ALKAL2: variants seen among roughly 807,000 people sequenced by gnomAD.
ALKAL2 encodes the protein ALK and LTK ligand 2.
ALKAL2 carries 8 observed loss-of-function variants against 18.5 expected under a neutral mutation model. The ratio of observed to expected loss-of-function variants is 0.43; its 90% CI spans 0.25 to 0.78. The LOEUF (loss-of-function observed/expected upper bound fraction) is 0.78, where lower values mean the gene tolerates loss of function less well. ALKAL2 is among the 30% of genes least tolerant of loss of function. ALKAL2 has a pLI of 0.22. For missense variants in ALKAL2, 241 were observed against 211.2 expected, an observed-to-expected ratio of 1.14 and a Z score of -0.88; for synonymous variants, 135 against 95.8, an observed-to-expected ratio of 1.41 and a Z score of -2.39.
intron 5 of ALKAL2, among the ~76,000 whole-genome samples, chr2:282,837 A>G (rs1408081625): frequency 2.0e-5 from 3 of 152,214 alleles, no homozygotes; most frequent in East Asian, 3.8e-4. Context: ...ACTCAGTCAC[A>G]TGCTGACACT....
intron 4 of ALKAL2, among the ~76,000 whole-genome samples, chr2:285,195 G>A (rs568357289): frequency 1.3e-5 from 2 of 152,336 alleles, no homozygotes; most frequent in South Asian, 2.1e-4. Context: ...CATGCACCCG[G>A]CACACAGAAG....
chr2:287,175 G>A (rs1670541622), intron 2 of ALKAL2: 1 of 162,948 alleles, frequency 6.1e-6, no homozygotes, highest in African/African-American at 2.4e-5. Context: ...TATCATGTTT[G>A]ACCTGATTGT....
chr2:287,588 C>G lies in ALKAL2; in HGVS notation c.248G>C (p.Arg83Pro). 1.4e-6 allele frequency: 2 copies of G among 1,458,078 alleles called. No individual in the cohort carries two copies. The highest frequency in any genetic ancestry group is 1.8e-6 in the Non-Finnish European group (2 of 1,111,442). The allele number at this position is 1,458,078 out of a possible 1,614,324, so 90.3% of individuals were successfully genotyped here. A position where few individuals can be genotyped will look rare whatever the true frequency, so the allele number is the denominator to read the frequency against. Reference protein sequence around the residue: ...AAGLGPSPEQRVEIVPRDLRM... With the variant: ...AAGLGPSPEQPVEIVPRDLRM... ...GCGCGCTCGGCCCCACTCACCCACTCGCTGCTCCGGCGAAGGCCCCAGCCC... is the reference window on the plus strand; with the variant it reads ...GCGCGCTCGGCCCCACTCACCCACTGGCTGCTCCGGCGAAGGCCCCAGCCC... The change falls in exon 2 of 6, where the codon CGA becomes CCA. Residue 83 changes from arginine (R) to proline (P), a missense_variant. Physicochemically the swap from Arg to Pro is moderately radical, Grantham distance 103. Coordinates refer to ENST00000403610, the MANE Select transcript of ALKAL2 (RefSeq NM_001002919.3).
At position 287,791 on chromosome 2, in the gene ALKAL2, C is replaced by T. The variant is rs1160298200; in HGVS notation, c.45G>A (p.Val15=). 1.4e-6 allele frequency: 2 copies of T among 1,387,162 alleles called. No homozygotes were observed. Among genetic ancestry groups the T allele is most frequent in the Non-Finnish European group, 1.9e-6 (2 of 1,077,568 alleles). The allele number at this position is 1,387,162 out of a possible 1,614,324, so 85.9% of individuals were successfully genotyped here. The change falls in exon 2 of 6, where the codon GTG becomes GTA. Residue 15 remains valine, a synonymous_variant. Transcript: ENST00000403610. ...CCCGGCCGCGCCCCGCCGCCCCCAGCACCAGCAGCAGCCCCAGGAGGAGGG... is the reference window on the plus strand; with the variant it reads ...CCCGGCCGCGCCCCGCCGCCCCCAGTACCAGCAGCAGCCCCAGGAGGAGGG... ...GHPLLLGLLL[V]LGAAGRGRGG...
intron 4 of ALKAL2, among the ~76,000 whole-genome samples, chr2:284,206 T>A (rs1670435203): frequency 6.6e-6 from 1 of 152,300 alleles, no homozygotes; most frequent in South Asian, 2.1e-4. Flanking sequence ...TTGGGCCATG[T>A]CCAGGGTCCC....
chr2:285,295 CGTTT>C (rs1331088547), intron 4 of ALKAL2, among the ~76,000 whole-genome samples: 1 of 152,110 alleles, frequency 6.6e-6, no homozygotes, highest in African/African-American at 2.4e-5. Flanking sequence ...ATTGGCTTTT[CGTTT>C]GTTTGTTTTT....
chr2:280,260 C>A, intron 5 of ALKAL2, 108 bp from the exon 6 acceptor site: 1 of 1,262,008 alleles, frequency 7.9e-7, no homozygotes, highest in South Asian at 1.2e-5. Context: ...TAAACATAGG[C>A]AGTCTCAGAG....
chr2:287,754 G>T lies in ALKAL2; in HGVS notation c.82C>A (p.Pro28Thr), dbSNP rs1276824257. 1 of 1,446,830 alleles carries T rather than the reference G, an allele frequency of 6.9e-7. No homozygotes were observed. The highest frequency in any genetic ancestry group is 2.6e-5 in the Admixed American group (1 of 39,034). The allele number at this position is 1,446,830 out of a possible 1,614,324, so 89.6% of individuals were successfully genotyped here. A position where few individuals can be genotyped will look rare whatever the true frequency, so the allele number is the denominator to read the frequency against. ...GCCTGTCCGTCCGCCGGCTCCCGGG[G>T]CTCCGCGCCCCCCCGGCCGCGCCCC... ...AAGRGRGGAE[P>T]REPADGQALL... The change falls in exon 2 of 6, where the codon CCC becomes ACC. Residue 28 changes from proline (P) to threonine (T), a missense_variant. Transcript: ENST00000403610.
intron 2 of ALKAL2, 26 bp downstream of exon 2, chr2:287,557 C>T (rs1229213076): frequency 7.3e-7 from 1 of 1,360,972 alleles, no homozygotes; most frequent in African/African-American, 1.5e-5. Context: ...CAGCCCCGGC[C>T]CTCGGGCGCG....
At chr2:280,523 C>T (rs561645980) in intron 5 of ALKAL2, among the ~76,000 whole-genome samples, 2 of 152,272 alleles carry the variant, frequency 1.3e-5, no homozygotes, top group Non-Finnish European at 2.9e-5. Context: ...AGCTAATAAT[C>T]GAGATTAGAC....
intron 4 of ALKAL2, among the ~76,000 whole-genome samples, chr2:285,628 G>C (rs900669851): frequency 1.3e-5 from 2 of 152,176 alleles, no homozygotes; most frequent in East Asian, 1.9e-4. Context: ...TGTTGATAAG[G>C]GCAGCTCTGC....
At chr2:286,636 G>GT (rs139180819) in intron 2 of ALKAL2, 6,113 of 255,486 alleles carry the variant, frequency 0.024, 16 homozygotes, top group African/African-American at 0.034. Context: ...TAAGAAAACT[G>GT]TTTTTTTTTT....
intron 2 of ALKAL2, 69 bp downstream of exon 2, chr2:287,514 A>G: frequency 8.8e-7 from 1 of 1,138,318 alleles, no homozygotes; most frequent in Non-Finnish European, 1.1e-6. Flanking sequence ...CTCTTTTTGA[A>G]ACGTGTTTCT....
rs188245376 is a variant in ALKAL2 at position 279,739 on chromosome 2, T to C, written c.*408A>G. The stretch of plus-strand genomic sequence containing the variant: ...TAATTTTTCATGCCGTTCCAAATAA[T>C]ACTCTGAGAATTTAACAGTGAAAGT... On this transcript the variant is annotated 3_prime_UTR_variant, in exon 6 of 6. Coordinates refer to ENST00000403610, the MANE Select transcript of ALKAL2 (RefSeq NM_001002919.3). 2.2e-3 allele frequency: 383 copies of C among 175,150 alleles called. No individual in the cohort carries two copies. Among genetic ancestry groups the C allele is most frequent in the African/African-American group, 8.7e-3 (369 of 42,538 alleles). 10.8% of individuals were successfully genotyped at this position (175,150 alleles called of 1,614,324 possible).
At chr2:283,069 C>T (rs541090875) in intron 5 of ALKAL2, 42 bp downstream of exon 5, 7 of 1,569,146 alleles carry the variant, frequency 4.5e-6, no homozygotes, top group Non-Finnish European at 6.0e-6. Context: ...GCGGGATTCC[C>T]ATCTTTGGTA....
At chr2:281,458 A>G (rs1393973527) in intron 5 of ALKAL2, among the ~76,000 whole-genome samples, 2 of 152,136 alleles carry the variant, frequency 1.3e-5, no homozygotes, top group African/African-American at 2.4e-5. Flanking sequence ...AGTGATGTGA[A>G]GAGTGCTGGG....
rs1197184738 is a variant in ALKAL2 at position 279,918 on chromosome 2, G to T, written c.*229C>A. 16 of 469,140 alleles carry T rather than the reference G, an allele frequency of 3.4e-5. No homozygotes were observed. Among genetic ancestry groups the T allele is most frequent in the Admixed American group, 7.1e-5 (2 of 28,102 alleles). 29.1% of individuals were successfully genotyped at this position (469,140 alleles called of 1,614,324 possible). ...GTCAAATGTGGAGCATTCCTTTTGTGTTTTTTTTTTAAATAAGTGACAGAT... is the reference window on the plus strand; with the variant it reads ...GTCAAATGTGGAGCATTCCTTTTGTTTTTTTTTTTTAAATAAGTGACAGAT... On this transcript the variant is annotated 3_prime_UTR_variant, in exon 6 of 6. Coordinates refer to ENST00000403610, the MANE Select transcript of ALKAL2 (RefSeq NM_001002919.3).
chr2:285,202 G>A (rs974407946), intron 4 of ALKAL2, among the ~76,000 whole-genome samples: 1 of 152,254 alleles, frequency 6.6e-6, no homozygotes, highest in East Asian at 1.9e-4. Context: ...CCGGCACACA[G>A]AAGCAGCTCT....
rs1330323161 is a variant in ALKAL2, at chr2:287,639, C to T, written c.197G>A (p.Cys66Tyr). 6.7e-7 allele frequency: 1 copy of T among 1,481,734 alleles called. No individual in the cohort carries two copies. Among genetic ancestry groups the T allele is most frequent in the Admixed American group, 2.3e-5 (1 of 43,010 alleles). 91.8% of individuals were successfully genotyped at this position (1,481,734 alleles called of 1,614,324 possible). A position where few individuals can be genotyped will look rare whatever the true frequency, so the allele number is the denominator to read the frequency against. ...CGCCGCCTCCGCGCGGCCCAGGGCG[C>T]AGTCCCGCCCGAGGAGCTGCAGGCC... The part of the protein sequence containing the change: ...HKGLQLLGRD[C>Y]ALGRAEAAGL... The change falls in exon 2 of 6, where the codon TGC becomes TAC. Residue 66 changes from cysteine to tyrosine, a missense_variant. Coordinates refer to ENST00000403610, the MANE Select transcript of ALKAL2 (RefSeq NM_001002919.3).
Sources: allele counts gnomAD v4.1 joint callset (sites outside exome capture counted in the v4.1 genomes callset), GRCh38; gene constraint gnomAD v4.1.1; transcripts MANE v1.5; gene names NCBI Gene and HGNC (gene_info 2026-07-23, HGNC 2026-07-21).